NR6A1: variants seen among roughly 807,000 people sequenced by gnomAD.
The protein encoded by NR6A1 is nuclear receptor subfamily 6 group A member 1, also known as retinoic acid receptor-related testis-associated receptor.
NR6A1 carries 7 observed loss-of-function variants against 59.1 expected under a neutral mutation model. That is an observed-to-expected ratio of 0.12 (90% CI 0.07 to 0.22). NR6A1 has a LOEUF of 0.22. Among genes scored for constraint, NR6A1 ranks in the 10% least tolerant of loss-of-function variants. The pLI, the probability that NR6A1 is intolerant of heterozygous loss-of-function variation, is 1.00. For missense variants in NR6A1, 468 were observed against 611.6 expected, an observed-to-expected ratio of 0.77 and a Z score of 2.48; for synonymous variants, 243 against 236.1, an observed-to-expected ratio of 1.03 and a Z score of -0.27.
chr9:124,605,650 A>G (rs984466429), intron 2 of NR6A1, among the ~76,000 whole-genome samples: 1 of 152,234 alleles, frequency 6.6e-6, no homozygotes, highest in African/African-American at 2.4e-5. Context: ...AAGGATACAT[A>G]CTGGAATATT....
At chr9:124,693,766 A>C in intron 2 of NR6A1, 1 of 534,650 alleles carries the variant, frequency 1.9e-6, no homozygotes, top group Middle Eastern at 3.2e-4. Context: ...GAATCAACTC[A>C]CTGATCAATG....
chr9:124,692,656 A>G (rs1838595441), intron 2 of NR6A1: 2 of 273,698 alleles, frequency 7.3e-6, no homozygotes, highest in South Asian at 6.6e-5. Flanking sequence ...GGTCCAGTGA[A>G]TTTTATTCCT....
intron 2 of NR6A1, among the ~76,000 whole-genome samples, chr9:124,725,526 A>C (rs1839687962): frequency 6.6e-6 from 1 of 152,228 alleles, no homozygotes; most frequent in Admixed American, 6.5e-5. Context: ...GGAAATTAGC[A>C]ACGAAGTATT....
chr9:124,715,179 A>G (rs1380488066), intron 2 of NR6A1, among the ~76,000 whole-genome samples: 1 of 151,496 alleles, frequency 6.6e-6, no homozygotes, highest in Non-Finnish European at 1.5e-5. Flanking sequence ...GCCTGGTGAC[A>G]GAGTGAGTGA....
intron 2 of NR6A1, among the ~76,000 whole-genome samples, chr9:124,568,169 CAAAAAA>C (rs34652433): frequency 2.3e-4 from 7 of 30,448 alleles, no homozygotes; most frequent in South Asian, 2.1e-3. Context: ...TACTTCATCT[CAAAAAA>C]AAAAAAAAAA....
chr9:124,576,277 C>CTTTGT (rs2131444989), intron 2 of NR6A1, among the ~76,000 whole-genome samples: 1 of 152,122 alleles, frequency 6.6e-6, no homozygotes, highest in Admixed American at 6.5e-5. Flanking sequence ...GCAACACAAG[C>CTTTGT]TTTGTTTTGT....
At chr9:124,607,557 A>G (rs1052290545) in intron 2 of NR6A1, 3 of 152,212 alleles carry the variant, frequency 2.0e-5, no homozygotes, top group African/African-American at 7.2e-5. Flanking sequence ...TTTACTAGCT[A>G]TGTGACTTTA....
intron 2 of NR6A1, among the ~76,000 whole-genome samples, chr9:124,620,081 T>C (rs1450687969): frequency 6.6e-6 from 1 of 152,096 alleles, no homozygotes; most frequent in Admixed American, 6.6e-5. Flanking sequence ...GAAAATTCAA[T>C]TAATTTGTTT....
chr9:124,550,610 G>A (rs893495472), intron 3 of NR6A1, among the ~76,000 whole-genome samples: 5 of 151,812 alleles, frequency 3.3e-5, no homozygotes, highest in Admixed American at 2.0e-4. Context: ...CACCTGCTCC[G>A]GCCTCCCAAA....
At chr9:124,667,081 G>C (rs1449717024) in intron 2 of NR6A1, among the ~76,000 whole-genome samples, 1 of 150,468 alleles carries the variant, frequency 6.6e-6, no homozygotes, top group Non-Finnish European at 1.5e-5. Flanking sequence ...TGTCACCCAG[G>C]CTGGAGTGCA....
At chr9:124,770,234 A>T (rs1347451264) in intron 1 of NR6A1, 6 of 152,424 alleles carry the variant, frequency 3.9e-5, no homozygotes, top group African/African-American at 1.4e-4. Context: ...CGGCCAGGGA[A>T]AGCCGTTGCC....
rs115882433 is a variant in NR6A1, at chr9:124,678,331, T to G, written c.142+54977A>C. 2.8e-3 allele frequency among the ~76,000 whole-genome samples: 425 copies of G among 152,352 alleles called. 2 individuals are homozygous for G. The highest frequency in any genetic ancestry group is 9.7e-3 in the African/African-American group (405 of 41,576). On this transcript the variant is annotated intron_variant, in intron 2 of 9. Transcript: ENST00000487099. ...CTTGGAGTAACGTCCTAAGTCTGAA[T>G]AATGTACATATCATCACCCTTCGTT...
At chr9:124,619,882 T>C (rs1471262735) in intron 2 of NR6A1, among the ~76,000 whole-genome samples, 2 of 152,022 alleles carry the variant, frequency 1.3e-5, no homozygotes, top group Non-Finnish European at 2.9e-5. Flanking sequence ...ACCAATATGG[T>C]GAAACCCCGT....
At chr9:124,696,225 G>C (rs938977563) in intron 2 of NR6A1, among the ~76,000 whole-genome samples, 2 of 152,154 alleles carry the variant, frequency 1.3e-5, no homozygotes, top group African/African-American at 4.8e-5. Flanking sequence ...GACAATGAAA[G>C]CAAGACTGGG....
chr9:124,658,843 A>T (rs146591509), intron 2 of NR6A1: 1 of 152,046 alleles, frequency 6.6e-6, no homozygotes, highest in Non-Finnish European at 1.5e-5. Flanking sequence ...GTAATGGAAT[A>T]CTGTCAGTGG....
intron 2 of NR6A1, among the ~76,000 whole-genome samples, chr9:124,732,730 CTT>C (rs1006293422): frequency 3.1e-4 from 46 of 148,238 alleles, no homozygotes; most frequent in Admixed American, 1.3e-4. Flanking sequence ...GAGTTTTGCT[CTT>C]GTCACCCAGG....
chr9:124,629,556 G>A (rs1836361919), intron 2 of NR6A1, among the ~76,000 whole-genome samples: 1 of 152,232 alleles, frequency 6.6e-6, no homozygotes, highest in South Asian at 2.1e-4. Context: ...AGTGGGCAGA[G>A]CTAGAACCTG....
chr9:124,640,406 T>C (rs951698898), intron 2 of NR6A1, among the ~76,000 whole-genome samples: 1 of 152,102 alleles, frequency 6.6e-6, no homozygotes, highest in Non-Finnish European at 1.5e-5. Context: ...CTGTGTTATT[T>C]TGGTTTTGTT....
chr9:124,619,045 T>C (rs760866850), intron 2 of NR6A1, among the ~76,000 whole-genome samples: 3 of 152,158 alleles, frequency 2.0e-5, no homozygotes, highest in African/African-American at 7.2e-5. Context: ...CAAAGTATTA[T>C]ACAAGGATAT....
Sources: gnomAD v4.1 joint callset for allele counts (sites outside exome capture counted in the v4.1 genomes callset) on GRCh38, gnomAD v4.1.1 for gene constraint, MANE v1.5 for transcripts, NCBI Gene and HGNC (gene_info 2026-07-23, HGNC 2026-07-21) for gene names.